RSPRY1: variants seen among roughly 807,000 people sequenced by gnomAD.
RSPRY1 encodes RING finger and SPRY domain-containing protein 1.
RSPRY1 carries 23 observed loss-of-function variants against 73.1 expected under a neutral mutation model. The observed-to-expected ratio is 0.31, with a 90% confidence interval of 0.23 to 0.45. The LOEUF (loss-of-function observed/expected upper bound fraction) is 0.45, where lower values mean the gene tolerates loss of function less well. RSPRY1 is among the 20% of genes least tolerant of loss of function. The pLI is 1.00. For synonymous variants in RSPRY1, 226 were observed against 251.4 expected (o/e 0.90, Z 0.95); for missense variants, 448 against 698.7 (o/e 0.64, Z 4.05).
chr16:57,190,311 G>A (rs943248781), intron 1 of RSPRY1, among the ~76,000 whole-genome samples: 12 of 152,160 alleles, frequency 7.9e-5, no homozygotes, highest in Non-Finnish European at 1.5e-4. Context: ...TGAAGATGCA[G>A]TGAGCCACTG....
chr16:57,218,961 C>T (rs2074990064), intron 8 of RSPRY1, among the ~76,000 whole-genome samples: 1 of 148,304 alleles, frequency 6.7e-6, no homozygotes, highest in African/African-American at 2.5e-5. Context: ...TGGTCTCGAT[C>T]TCCTGACCTC....
intron 2 of RSPRY1, chr16:57,207,720 G>T (rs897947632): frequency 2.1e-6 from 1 of 472,666 alleles, no homozygotes; most frequent in Non-Finnish European, 4.2e-6. Flanking sequence ...TTCCTGGCTT[G>T]TCTCAGTTGG....
In RSPRY1 at chr16:57,204,950, C is replaced by G. The variant is rs1275410481; in HGVS notation, c.292C>G (p.Gln98Glu). The change falls in exon 2 of 15, where the codon CAA becomes GAA. Residue 98 changes from glutamine (Q) to glutamate (E), a missense_variant. Gln to Glu is a conservative substitution (Grantham distance 29). Transcript: ENST00000394420. ...ACCTCATGAGCCAAGGAGAAAGAAA[C>G]AAAATGTGGATGGGCTAGTGTTGGA... ...RGPHEPRRKK[Q>E]NVDGLVLDTL... 1.9e-6 allele frequency: 3 copies of G among 1,614,144 alleles called. No individual in the cohort carries two copies. The highest frequency in any genetic ancestry group is 2.5e-6 in the Non-Finnish European group (3 of 1,180,018).
intron 14 of RSPRY1, among the ~76,000 whole-genome samples, chr16:57,236,942 G>T (rs1194109873): frequency 6.6e-6 from 1 of 151,976 alleles, no homozygotes. Context: ...CAAGGCGGGT[G>T]GATCACAAGG....
rs375748508 is a variant in RSPRY1 at position 57,217,052 on chromosome 16, C to G, written c.901+17C>G. On this transcript the variant is annotated intron_variant, in intron 8 of 14. Coordinates refer to ENST00000394420, the MANE Select transcript of RSPRY1 (RefSeq NM_133368.3). ...ACAATCTCTGTAAGTGGGAGTTGTCCTTTATTAAAATGTCCGTTTCCATTT... is the reference window on the plus strand; with the variant it reads ...ACAATCTCTGTAAGTGGGAGTTGTCGTTTATTAAAATGTCCGTTTCCATTT... The G allele has an allele frequency of 8.7e-6, 14 of 1,613,782 alleles. No individual in the cohort carries two copies. The highest frequency in any genetic ancestry group is 1.2e-5 in the Non-Finnish European group (14 of 1,179,776).
At chr16:57,197,630 T>G (rs146474141) in intron 1 of RSPRY1, among the ~76,000 whole-genome samples, 20 of 152,354 alleles carry the variant, frequency 1.3e-4, no homozygotes, top group African/African-American at 4.6e-4. Flanking sequence ...TGGAAGAAAC[T>G]GACTCAAAAC....
chr16:57,208,200 T>G, intron 3 of RSPRY1, 90 bp downstream of exon 3: 2 of 842,484 alleles, frequency 2.4e-6, no homozygotes, highest in East Asian at 5.3e-5. Flanking sequence ...TGTTTTGTTT[T>G]GAGATAAAAG....
chr16:57,194,545 A>G (rs2146173681), intron 1 of RSPRY1, among the ~76,000 whole-genome samples: 1 of 152,300 alleles, frequency 6.6e-6, no homozygotes, highest in East Asian at 1.9e-4. Flanking sequence ...TTTGCTATTC[A>G]TGCTATTTGA....
rs369909889 is a variant in RSPRY1 at position 57,232,410 on chromosome 16, G to T, written c.1529+1091G>T. Among the ~76,000 whole-genome samples, 7 of 152,276 alleles carry T rather than the reference G, an allele frequency of 4.6e-5. No individual in the cohort carries two copies. In the South Asian group the frequency reaches 1.0e-3, roughly 23 times the overall value. On this transcript the variant is annotated intron_variant, in intron 13 of 14. Transcript: ENST00000394420. ...GAACATAAGGGTTGCATATGTTCCC[G>T]CTCAGGGTTCTGAGGTTAATTCCTA...
chr16:57,205,395 C>A, intron 2 of RSPRY1: 1 of 187,264 alleles, frequency 5.3e-6, no homozygotes. Flanking sequence ...AGTTGTTTTA[C>A]CAAGAACATG....
intron 11 of RSPRY1, 107 bp from the exon 12 acceptor site, chr16:57,230,604 C>A: frequency 1.7e-6 from 1 of 593,292 alleles, no homozygotes; most frequent in Non-Finnish European, 3.0e-6. Flanking sequence ...GAATGCATAG[C>A]TAAAGATGCA....
chr16:57,201,970 G>T (rs1372939073), intron 1 of RSPRY1, among the ~76,000 whole-genome samples: 1 of 151,836 alleles, frequency 6.6e-6, no homozygotes, highest in African/African-American at 2.4e-5. Context: ...AGAGGGAGAG[G>T]GAGAGGAGGG....
At chr16:57,227,828 A>G (rs545780875) in intron 11 of RSPRY1, among the ~76,000 whole-genome samples, 16 of 152,158 alleles carry the variant, frequency 1.1e-4, no homozygotes, top group South Asian at 2.1e-4. Flanking sequence ...TGGCTATGGA[A>G]CAGGTCCTAT....
chr16:57,223,622 AT>A (rs1265267216), intron 10 of RSPRY1, among the ~76,000 whole-genome samples: 1 of 152,106 alleles, frequency 6.6e-6, no homozygotes, highest in African/African-American at 2.4e-5. Context: ...AATATAAAAA[AT>A]TAGCTGGGCG....
chr16:57,237,679 A>AT lies in RSPRY1; in HGVS notation c.1635-1193dup, dbSNP rs202031312. Among the ~76,000 whole-genome samples, 589 of 151,768 alleles carry AT rather than the reference A, an allele frequency of 3.9e-3. 6 individuals carry two copies. Among genetic ancestry groups the AT allele is most frequent in the African/African-American group, 0.014 (563 of 41,462 alleles). Reference sequence around the variant, plus strand: ...TTCAGCCAAATGCTAGTATCTCTTTATTTTTTTATTTTTATTTATTTATTT... The same window carrying AT: ...TTCAGCCAAATGCTAGTATCTCTTTATTTTTTTTATTTTTATTTATTTATTT... On this transcript the variant is annotated intron_variant, in intron 14 of 14. Transcript: ENST00000394420.
rs1263493313 is a variant in RSPRY1 at position 57,204,527 on chromosome 16, C to T, written c.-132C>T. 2 of 758,804 alleles carry T rather than the reference C, an allele frequency of 2.6e-6. No individual in the cohort carries two copies. Among genetic ancestry groups the T allele is most frequent in the East Asian group, 4.9e-5 (2 of 40,754 alleles). 47.0% of individuals were successfully genotyped at this position (758,804 alleles called of 1,614,324 possible). ...AGAACTGCCATTGGATGTCCAGAAT[C>T]CCCTGTAGTTGATAATGTTGGGAAT... On this transcript the variant is annotated 5_prime_UTR_variant, in exon 2 of 15. Coordinates refer to ENST00000394420, the MANE Select transcript of RSPRY1 (RefSeq NM_133368.3).
In RSPRY1 at chr16:57,212,865, G is replaced by A. The variant is rs907619057; in HGVS notation, c.517-107G>A. 79 of 1,179,256 alleles carry A rather than the reference G, an allele frequency of 6.7e-5. No homozygotes were observed. In the South Asian group the frequency reaches 9.0e-4, roughly 13 times the overall value. The allele number at this position is 1,179,256 out of a possible 1,614,324, so 73.0% of individuals were successfully genotyped here. On this transcript the variant is annotated intron_variant, in intron 4 of 14. Coordinates refer to ENST00000394420, the MANE Select transcript of RSPRY1 (RefSeq NM_133368.3). Reference sequence around the variant, plus strand: ...CTTGACCTTGTGGTCCGCCCGCCTCGGCCTCCCAAAGTGCTGGTTATAGCT... The same window carrying A: ...CTTGACCTTGTGGTCCGCCCGCCTCAGCCTCCCAAAGTGCTGGTTATAGCT...
chr16:57,191,020 C>G (rs1438195798), intron 1 of RSPRY1, among the ~76,000 whole-genome samples: 1 of 152,190 alleles, frequency 6.6e-6, no homozygotes, highest in East Asian at 1.9e-4. Context: ...GGAATGAACT[C>G]TGCACATAGC....
chr16:57,206,932 T>C (rs892012709), intron 2 of RSPRY1, among the ~76,000 whole-genome samples: 2 of 152,192 alleles, frequency 1.3e-5, no homozygotes, highest in Non-Finnish European at 2.9e-5. Context: ...TTTCTCAACA[T>C]CGAAATCTGT....
Sources: gnomAD v4.1 joint callset for allele counts (sites outside exome capture counted in the v4.1 genomes callset) on GRCh38, gnomAD v4.1.1 for gene constraint, MANE v1.5 for transcripts, NCBI Gene and HGNC (gene_info 2026-07-23, HGNC 2026-07-21) for gene names.